The following DMD variants were observed in gnomAD, a reference collection of about 807,000 sequenced individuals.
The protein encoded by DMD is dystrophin, also known as mutant dystrophin.
In DMD, 63 loss-of-function variants were observed where a neutral mutation model predicts 330.1. That is an observed-to-expected ratio of 0.19 (90% CI 0.16 to 0.24). The LOEUF (loss-of-function observed/expected upper bound fraction) is 0.24, where lower values mean the gene tolerates loss of function less well. Ranked by LOEUF, DMD falls within the 10% of genes least tolerant of loss-of-function variation. DMD has a pLI of 1.00. For synonymous variants in DMD, 1,223 were observed against 959.8 expected (o/e 1.27, Z -5.07); for missense variants, 3,344 against 2,684.1 (o/e 1.25, Z -5.43).
At position 32,141,678 on chromosome X, in the gene DMD, A is replaced by AACACAC. The variant is rs56858722; in HGVS notation, c.6438+75232_6438+75237dup. On this transcript the variant is annotated intron_variant, in intron 44 of 78. Coordinates refer to ENST00000357033, the MANE Select transcript of DMD (RefSeq NM_004006.3). ...CAGAATTCAATATAATATAGAGTGC[A>AACACAC]ACACACACACACACACACACACACA... Among the ~76,000 whole-genome samples, 30 of 88,118 alleles carry AACACAC rather than the reference A, an allele frequency of 3.4e-4. 1 individual carries two copies. The highest frequency in any genetic ancestry group is 2.7e-3 in the South Asian group (4 of 1,470). The allele number at this position is 88,118 out of a possible 115,157, so 76.5% of individuals were successfully genotyped here. A position where few individuals can be genotyped will look rare whatever the true frequency, so the allele number is the denominator to read the frequency against.
chrX:31,423,260 C>G (rs1303447215), intron 60 of DMD, among the ~76,000 whole-genome samples: 1 of 111,271 alleles, frequency 9.0e-6, no homozygotes, highest in Non-Finnish European at 1.9e-5. Context: ...AGCAATAATA[C>G]AAATAAAATG....
intron 20 of DMD, 48 bp from the exon 21 acceptor site, chrX:32,485,147 A>G (rs1169284915): frequency 1.6e-5 from 19 of 1,154,373 alleles, no homozygotes; most frequent in Non-Finnish European, 2.2e-5. Flanking sequence ...CTTTGCATAC[A>G]TTACATTTTG....
intron 68 of DMD, among the ~76,000 whole-genome samples, chrX:31,180,947 C>T (rs993946175): frequency 2.7e-5 from 3 of 112,102 alleles, no homozygotes; most frequent in Non-Finnish European, 5.6e-5. Flanking sequence ...GAAATGTGAA[C>T]AAGAACTTTC....
chrX:31,580,915 T>C (rs1044252996), intron 55 of DMD, among the ~76,000 whole-genome samples: 1 of 112,051 alleles, frequency 8.9e-6, no homozygotes, highest in African/African-American at 3.2e-5. Flanking sequence ...CACGACTTAA[T>C]GTAATGCTTT....
intron 1 of DMD, among the ~76,000 whole-genome samples, chrX:33,164,121 A>G (rs2048937625): frequency 9.0e-6 from 1 of 111,599 alleles, no homozygotes. Flanking sequence ...AGGCTGGTTC[A>G]TGCCCATAAA....
chrX:32,921,987 T>C (rs1009181238), intron 2 of DMD, among the ~76,000 whole-genome samples: 1 of 110,943 alleles, frequency 9.0e-6, no homozygotes, highest in Non-Finnish European at 1.9e-5. Flanking sequence ...ATAAGGCAGT[T>C]TCTACTATCC....
intron 7 of DMD, among the ~76,000 whole-genome samples, chrX:32,715,473 A>C (rs974392102): frequency 5.1e-5 from 5 of 98,070 alleles, no homozygotes; most frequent in Non-Finnish European, 1.0e-4. Flanking sequence ...TTCCATCAAA[A>C]AAAAAAAAAA....
chrX:31,889,793 C>A (rs2094215510), intron 47 of DMD, among the ~76,000 whole-genome samples: 1 of 109,844 alleles, frequency 9.1e-6, no homozygotes, highest in South Asian at 3.9e-4. Context: ...TAAACAAGGG[C>A]TACTTTATTC....
At chrX:32,807,839 A>G (rs763580676) in intron 7 of DMD, among the ~76,000 whole-genome samples, 3 of 111,943 alleles carry the variant, frequency 2.7e-5, no homozygotes, top group Admixed American at 9.5e-5. Context: ...AATAAGAAAA[A>G]TATCTATTTT....
At chrX:33,261,843 C>T (rs1159613241) in intron 1 of DMD, among the ~76,000 whole-genome samples, 1 of 110,092 alleles carries the variant, frequency 9.1e-6, no homozygotes, top group Non-Finnish European at 1.9e-5. Context: ...ATATAATAAA[C>T]ACAATGACAA....
intron 13 of DMD, among the ~76,000 whole-genome samples, chrX:32,584,546 T>C (rs113727006): frequency 0.019 from 2,112 of 112,091 alleles, 53 homozygotes; most frequent in African/African-American, 0.065. Flanking sequence ...ACAGAATATG[T>C]AAAATGTGGT....
At chrX:32,338,511 A>G (rs972363322) in intron 41 of DMD, among the ~76,000 whole-genome samples, 1 of 111,244 alleles carries the variant, frequency 9.0e-6, no homozygotes, top group East Asian at 2.8e-4. Context: ...TACTGGAAAA[A>G]AATCCATTTA....
chrX:31,167,762 C>G (rs1441103391), intron 74 of DMD, among the ~76,000 whole-genome samples: 1 of 111,976 alleles, frequency 8.9e-6, no homozygotes, highest in East Asian at 2.8e-4. Context: ...GGATGGTACT[C>G]ATGTGATGTT....
At chrX:32,739,125 A>T (rs2068901553) in intron 7 of DMD, among the ~76,000 whole-genome samples, 1 of 111,918 alleles carries the variant, frequency 8.9e-6, no homozygotes, top group South Asian at 3.7e-4. Context: ...TATGAATACA[A>T]TTCTCACTTT....
At chrX:31,437,872 T>C (rs1187832647) in intron 60 of DMD, among the ~76,000 whole-genome samples, 1 of 107,361 alleles carries the variant, frequency 9.3e-6, no homozygotes, top group African/African-American at 3.4e-5. Flanking sequence ...ACATACATAT[T>C]ACATCTATAT....
intron 30 of DMD, among the ~76,000 whole-genome samples, chrX:32,401,723 T>A (rs1344078870): frequency 8.9e-6 from 1 of 112,409 alleles, no homozygotes; most frequent in East Asian, 2.8e-4. Flanking sequence ...TACAACTGAA[T>A]TTTTTATATC....
intron 30 of DMD, among the ~76,000 whole-genome samples, chrX:32,403,278 AT>A (rs2098097394): frequency 8.9e-6 from 1 of 111,798 alleles, no homozygotes; most frequent in African/African-American, 3.2e-5. Context: ...AATAGGATAA[AT>A]TTGGATCACT....
At chrX:31,885,508 G>C (rs772860185) in intron 47 of DMD, among the ~76,000 whole-genome samples, 7 of 108,120 alleles carry the variant, frequency 6.5e-5, no homozygotes, top group Admixed American at 3.0e-4. Flanking sequence ...TACTCTGGAG[G>C]CTGAGGCAGG....
intron 12 of DMD, among the ~76,000 whole-genome samples, chrX:32,606,255 C>G (rs1386199231): frequency 9.1e-6 from 1 of 109,476 alleles, no homozygotes; most frequent in Non-Finnish European, 1.9e-5. Context: ...TTTTTAGATC[C>G]CACAAATAAG....
Sources: gnomAD v4.1 joint callset for allele counts (sites outside exome capture counted in the v4.1 genomes callset) on GRCh38, gnomAD v4.1.1 for gene constraint, MANE v1.5 for transcripts, NCBI Gene and HGNC (gene_info 2026-07-23, HGNC 2026-07-21) for gene names.